The following LRP1B variants were observed in gnomAD, a reference collection of about 807,000 sequenced individuals.
LRP1B encodes LDL receptor related protein 1B.
A neutral mutation model predicts 556.6 loss-of-function variants in LRP1B; 217 were observed. That is an observed-to-expected ratio of 0.39 (90% CI 0.35 to 0.44). The LOEUF is 0.44. Ranked by LOEUF, LRP1B falls within the 20% of genes least tolerant of loss-of-function variation. The pLI, the probability that LRP1B is intolerant of heterozygous loss-of-function variation, is 1.00. For missense variants in LRP1B, 5,053 were observed against 5,620.8 expected (o/e 0.90, Z 3.23); for synonymous variants, 2,047 against 1,865.8 (o/e 1.10, Z -2.50).
chr2:141,032,939 C>A (rs915678351), intron 11 of LRP1B, among the ~76,000 whole-genome samples: 1 of 151,520 alleles, frequency 6.6e-6, no homozygotes. Flanking sequence ...CGCACACAGG[C>A]ATGCACATCC....
chr2:141,741,414 C>T (rs1693701140), intron 2 of LRP1B, among the ~76,000 whole-genome samples: 1 of 151,758 alleles, frequency 6.6e-6, no homozygotes, highest in African/African-American at 2.4e-5. Flanking sequence ...TACATTCCTA[C>T]CAATAGTGTA....
At chr2:141,586,594 G>T (rs773847379) in intron 2 of LRP1B, among the ~76,000 whole-genome samples, 1 of 152,100 alleles carries the variant, frequency 6.6e-6, no homozygotes, top group African/African-American at 2.4e-5. Flanking sequence ...GTTTATATTT[G>T]TACTCCACAA....
intron 18 of LRP1B, among the ~76,000 whole-genome samples, chr2:140,963,598 C>T (rs1024002939): frequency 2.6e-5 from 4 of 152,108 alleles, no homozygotes; most frequent in Non-Finnish European, 5.9e-5. Context: ...ACCGGTGAGG[C>T]AGCTCCAGTT....
chr2:142,072,745 C>T (rs966828897), intron 1 of LRP1B, among the ~76,000 whole-genome samples: 2 of 151,912 alleles, frequency 1.3e-5, no homozygotes, highest in Non-Finnish European at 2.9e-5. Context: ...GTTTATTATT[C>T]TCTTTTGTAA....
At chr2:141,614,166 GCA>G (rs1488164198) in intron 2 of LRP1B, among the ~76,000 whole-genome samples, 1 of 150,186 alleles carries the variant, frequency 6.7e-6, no homozygotes, top group Non-Finnish European at 1.5e-5. Context: ...ACACTGTGAA[GCA>G]CAGAGAGGAG....
intron 41 of LRP1B, among the ~76,000 whole-genome samples, chr2:140,611,522 G>T (rs58797878): frequency 6.6e-6 from 1 of 151,870 alleles, no homozygotes; most frequent in Non-Finnish European, 1.5e-5. Context: ...ACAGAAAAAG[G>T]CTATTCCAGA....
chr2:141,984,760 A>T (rs1702138689), intron 1 of LRP1B, among the ~76,000 whole-genome samples: 2 of 152,176 alleles, frequency 1.3e-5, no homozygotes, highest in South Asian at 4.2e-4. Flanking sequence ...ACTCTAATAC[A>T]CTTTACCCAA....
intron 7 of LRP1B, among the ~76,000 whole-genome samples, chr2:141,073,334 T>G (rs1355314666): frequency 6.6e-6 from 1 of 152,070 alleles, no homozygotes; most frequent in African/African-American, 2.4e-5. Context: ...CAGGCCAAAT[T>G]CATCACTTTC....
At chr2:140,378,728 A>G (rs1558840987) in intron 67 of LRP1B, among the ~76,000 whole-genome samples, 1 of 152,106 alleles carries the variant, frequency 6.6e-6, no homozygotes, top group Non-Finnish European at 1.5e-5. Flanking sequence ...TTTGTATTTG[A>G]CTTTATATTA....
Position 142,041,828 on chromosome 2 carries a change from C to A in LRP1B, c.82+88820G>T, listed in dbSNP as rs139562827. Among the ~76,000 whole-genome samples, 649 of 151,532 alleles carry A rather than the reference C, an allele frequency of 4.3e-3. 6 individuals carry two copies. Among genetic ancestry groups the A allele is most frequent in the African/African-American group, 0.015 (619 of 41,426 alleles). On this transcript the variant is annotated intron_variant, in intron 1 of 90. Coordinates refer to ENST00000389484, the MANE Select transcript of LRP1B (RefSeq NM_018557.3). ...TTTTGCAAAGGTATTATGTGGATTT[C>A]ATATTATGTATTTCTCAGAACTTCT... is the stretch of plus-strand genomic sequence containing the variant.
intron 2 of LRP1B, among the ~76,000 whole-genome samples, chr2:141,806,096 G>A (rs1476724092): frequency 1.3e-5 from 2 of 151,976 alleles, no homozygotes; most frequent in Non-Finnish European, 1.5e-5. Context: ...CAGATTTCTG[G>A]AAAATATCAT....
intron 35 of LRP1B, among the ~76,000 whole-genome samples, chr2:140,762,735 A>G (rs1688969853): frequency 6.6e-6 from 1 of 152,202 alleles, no homozygotes; most frequent in Non-Finnish European, 1.5e-5. Context: ...GCCCATAAAC[A>G]AATTAAATAA....
chr2:140,483,213 A>G (rs1048518210), intron 59 of LRP1B, among the ~76,000 whole-genome samples: 1 of 152,168 alleles, frequency 6.6e-6, no homozygotes, highest in African/African-American at 2.4e-5. Context: ...TTATCCAAAA[A>G]TGAAATCAAT....
Position 140,461,791 on chromosome 2 carries a change from G to A in LRP1B, c.9626-4140C>T, listed in dbSNP as rs189199427. The stretch of plus-strand genomic sequence containing the variant: ...AGAGGTTGCAGTGAGCTGTGATCGC[G>A]CCATTGCACTCAAGCCTGGTTGACA... On this transcript the variant is annotated intron_variant, in intron 60 of 90. Coordinates refer to ENST00000389484, the MANE Select transcript of LRP1B (RefSeq NM_018557.3). Among the ~76,000 whole-genome samples, 725 of 151,734 alleles carry A rather than the reference G, an allele frequency of 4.8e-3. 5 individuals carry two copies. The highest frequency in any genetic ancestry group is 0.021 in the Middle Eastern group (6 of 292).
intron 60 of LRP1B, among the ~76,000 whole-genome samples, chr2:140,462,317 C>T (rs144255815): frequency 4.6e-5 from 7 of 152,218 alleles, no homozygotes; most frequent in African/African-American, 1.7e-4. Context: ...GTCAGAATTG[C>T]TGCAGAAAAT....
At chr2:140,975,156 G>C (rs1414654388) in intron 18 of LRP1B, among the ~76,000 whole-genome samples, 2 of 152,156 alleles carry the variant, frequency 1.3e-5, no homozygotes, top group Non-Finnish European at 2.9e-5. Context: ...GGGGATTCTA[G>C]CAACTTAAGG....
chr2:141,357,391 C>G (rs1350528912), intron 3 of LRP1B, among the ~76,000 whole-genome samples: 1 of 152,028 alleles, frequency 6.6e-6, no homozygotes, highest in African/African-American at 2.4e-5. Context: ...TTTTCTTTTC[C>G]TGATTATTTT....
chr2:140,887,306 A>T (rs1281604140), intron 23 of LRP1B, among the ~76,000 whole-genome samples: 1 of 152,198 alleles, frequency 6.6e-6, no homozygotes, highest in Non-Finnish European at 1.5e-5. Flanking sequence ...CAGTTGTTTA[A>T]AAGAAAAATT....
At chr2:141,678,991 G>T (rs72981967) in intron 2 of LRP1B, among the ~76,000 whole-genome samples, 1 of 152,040 alleles carries the variant, frequency 6.6e-6, no homozygotes, top group African/African-American at 2.4e-5. Flanking sequence ...TTACCAAAAG[G>T]CTGTGACTAT....
Sources: gnomAD v4.1 joint callset for allele counts (sites outside exome capture counted in the v4.1 genomes callset) on GRCh38, gnomAD v4.1.1 for gene constraint, MANE v1.5 for transcripts, NCBI Gene and HGNC (gene_info 2026-07-23, HGNC 2026-07-21) for gene names.